The following SCHIP1 variants were observed in gnomAD, a reference collection of about 807,000 sequenced individuals.
SCHIP1 encodes schwannomin interacting protein 1.
Under a neutral mutation model 29.7 loss-of-function variants are expected in SCHIP1, and 8 were observed. The ratio of observed to expected loss-of-function variants is 0.27; its 90% CI spans 0.16 to 0.49. SCHIP1 has a LOEUF of 0.49. Among genes scored for constraint, SCHIP1 ranks in the 20% least tolerant of loss-of-function variants. The probability of loss-of-function intolerance (pLI) is 0.99; values close to 1 mark genes in which losing one functional copy is unlikely to be tolerated. For missense variants in SCHIP1, 193 were observed against 294.6 expected, an observed-to-expected ratio of 0.66 and a Z score of 2.52; for synonymous variants, 76 against 94.9, an observed-to-expected ratio of 0.80 and a Z score of 1.16.
the SCHIP1 span, among the ~76,000 whole-genome samples, chr3:159,473,375 G>T: frequency 6.6e-6 from 1 of 151,946 alleles, no homozygotes; most frequent in Non-Finnish European, 1.5e-5. Flanking sequence ...TTCTTATTTG[G>T]CAGAAAAGCC....
At chr3:159,485,972 G>C in the SCHIP1 span, among the ~76,000 whole-genome samples, 1 of 152,104 alleles carries the variant, frequency 6.6e-6, no homozygotes, top group Non-Finnish European at 1.5e-5. Context: ...GGTGCCAGGT[G>C]TATGTACCAC....
At chr3:159,533,336 C>T in the SCHIP1 span, among the ~76,000 whole-genome samples, 1 of 152,096 alleles carries the variant, frequency 6.6e-6, no homozygotes, top group Admixed American at 6.6e-5. Flanking sequence ...GTAGCCAGAA[C>T]ACATAGGTGA....
chr3:159,366,776 C>T, the SCHIP1 span, among the ~76,000 whole-genome samples: 1 of 152,162 alleles, frequency 6.6e-6, no homozygotes, highest in Non-Finnish European at 1.5e-5. Context: ...CTAGAGGAGT[C>T]CTGCCTGTAG....
chr3:159,651,727 A>G, the SCHIP1 span, among the ~76,000 whole-genome samples: 1 of 152,180 alleles, frequency 6.6e-6, no homozygotes, highest in African/African-American at 2.4e-5. Flanking sequence ...AACTTTTTTT[A>G]CTGAAAAGTC....
chr3:159,409,615 A>G, the SCHIP1 span, among the ~76,000 whole-genome samples: 1 of 152,096 alleles, frequency 6.6e-6, no homozygotes, highest in Non-Finnish European at 1.5e-5. Context: ...CTATAAAAGA[A>G]TGATGAAAGA....
the SCHIP1 span, among the ~76,000 whole-genome samples, chr3:159,638,133 A>G: frequency 6.6e-6 from 1 of 152,060 alleles, no homozygotes; most frequent in Non-Finnish European, 1.5e-5. Flanking sequence ...TAAGATTTGG[A>G]CTGGCCTAGA....
the SCHIP1 span, among the ~76,000 whole-genome samples, chr3:159,806,293 A>G: frequency 1.3e-5 from 2 of 152,218 alleles, no homozygotes; most frequent in African/African-American, 4.8e-5. Context: ...CAACATTGCT[A>G]CTGTGAATTC....
chr3:159,288,186 T>G, the SCHIP1 span, among the ~76,000 whole-genome samples: 54 of 152,334 alleles, frequency 3.5e-4, no homozygotes, highest in Non-Finnish European at 5.7e-4. Flanking sequence ...ACAGTCTATG[T>G]GCAGGCTGTA....
chr3:159,760,137 T>C, the SCHIP1 span, among the ~76,000 whole-genome samples: 1 of 152,198 alleles, frequency 6.6e-6, no homozygotes, highest in African/African-American at 2.4e-5. Context: ...ATTGCATTTT[T>C]GGAAGTATCT....
the SCHIP1 span, among the ~76,000 whole-genome samples, chr3:159,521,779 T>C: frequency 6.6e-6 from 1 of 152,244 alleles, no homozygotes; most frequent in Non-Finnish European, 1.5e-5. Context: ...TTCTACATTA[T>C]AAAGATATTT....
Position 159,864,512 on chromosome 3 carries a change from C to CACAT in SCHIP1, c.31-1649_31-1646dup, listed in dbSNP as rs1329319272. ...ACACACACACACACACACACACACA[C>CACAT]ACATATGCTAGCTCCTAGTATGATG... On this transcript the variant is annotated intron_variant, in intron 1 of 6. Transcript: ENST00000445224. 3.4e-5 allele frequency among the ~76,000 whole-genome samples: 5 copies of CACAT among 146,174 alleles called. No individual in the cohort carries two copies. In the Admixed American group the frequency reaches 3.5e-4, roughly 10 times the overall value.
At chr3:159,678,493 A>G in the SCHIP1 span, among the ~76,000 whole-genome samples, 4 of 152,248 alleles carry the variant, frequency 2.6e-5, no homozygotes, top group African/African-American at 7.2e-5. Context: ...TTTAGAGCAA[A>G]AACTTATTAA....
At chr3:159,696,312 C>G in the SCHIP1 span, among the ~76,000 whole-genome samples, 1 of 152,182 alleles carries the variant, frequency 6.6e-6, no homozygotes, top group Non-Finnish European at 1.5e-5. Context: ...CCTCCATTAT[C>G]TCACATACAC....
upstream of SCHIP1, among the ~76,000 whole-genome samples, chr3:159,835,860 A>T (rs1454447142): frequency 1.3e-5 from 2 of 151,504 alleles, no homozygotes; most frequent in East Asian, 3.9e-4. Flanking sequence ...ATTGTCCAAA[A>T]CCCCCTTTCA....
the SCHIP1 span, among the ~76,000 whole-genome samples, chr3:159,761,345 G>T: frequency 1.3e-5 from 2 of 152,194 alleles, no homozygotes; most frequent in East Asian, 1.9e-4. Flanking sequence ...GATGGGGAAA[G>T]GTGCTGGAGC....
Position 159,840,155 on chromosome 3 carries a change from G to A in SCHIP1, c.-30G>A, listed in dbSNP as rs142410289. 5.2e-3 allele frequency: 7,921 copies of A among 1,535,280 alleles called. 45 individuals are homozygous for A. Among genetic ancestry groups the A allele is most frequent in the Middle Eastern group, 0.017 (94 of 5,422 alleles). On this transcript the variant is annotated 5_prime_UTR_variant, in exon 1 of 7. Transcript: ENST00000445224. ...CCGCAGCCTCGCTCAGCAGTCCTGC[G>A]TTGGGGTCTGCGCCCTAGGATGCAC...
the SCHIP1 span, among the ~76,000 whole-genome samples, chr3:159,788,726 A>G: frequency 6.6e-6 from 1 of 152,202 alleles, no homozygotes; most frequent in South Asian, 2.1e-4. Context: ...AAAAATAAAA[A>G]AAGATAAAAT....
chr3:159,621,052 C>T, the SCHIP1 span, among the ~76,000 whole-genome samples: 37 of 152,138 alleles, frequency 2.4e-4, no homozygotes, highest in Admixed American at 1.7e-3. Context: ...TCTGACATCC[C>T]GACTGAGTCA....
chr3:159,280,998 A>G, the SCHIP1 span, among the ~76,000 whole-genome samples: 1 of 152,228 alleles, frequency 6.6e-6, no homozygotes, highest in Admixed American at 6.5e-5. Context: ...TGTTAAATAC[A>G]TTCCCTATGT....
Sources: allele counts gnomAD v4.1 joint callset (sites outside exome capture counted in the v4.1 genomes callset), GRCh38; gene constraint gnomAD v4.1.1; transcripts MANE v1.5; gene names NCBI Gene and HGNC (gene_info 2026-07-23, HGNC 2026-07-21).